SVOPL: variants seen among roughly 807,000 people sequenced by gnomAD.
SVOPL encodes the protein putative transporter SVOPL.
In SVOPL, 60 loss-of-function variants were observed where a neutral mutation model predicts 61.0. The ratio of observed to expected loss-of-function variants is 0.98; its 90% confidence interval spans 0.80 to 1.22. The LOEUF (loss-of-function observed/expected upper bound fraction) is 1.22, where lower values mean the gene tolerates loss of function less well. SVOPL is among the 50% of genes most tolerant of loss of function. The pLI, the probability that SVOPL is intolerant of heterozygous loss-of-function variation, is 0.00. For missense variants in SVOPL, 662 were observed against 643.9 expected (o/e 1.03, Z -0.30); for synonymous variants, 279 against 250.0 (o/e 1.12, Z -1.09).
intron 13 of SVOPL, among the ~76,000 whole-genome samples, chr7:138,621,689 C>T (rs1348091541): frequency 6.6e-6 from 1 of 152,192 alleles, no homozygotes; most frequent in African/African-American, 2.4e-5. Flanking sequence ...TCCCAAAGTG[C>T]TGGGATTAGA....
At chr7:138,595,111 CAG>C (rs1272606882) in intron 15 of SVOPL, among the ~76,000 whole-genome samples, 2 of 152,096 alleles carry the variant, frequency 1.3e-5, no homozygotes, top group African/African-American at 2.4e-5. Context: ...CTTGTCGAAT[CAG>C]AGTTTCTTAG....
In SVOPL at chr7:138,672,248, T is replaced by C. The variant is rs1227202678; in HGVS notation, c.175-131A>G. On this transcript the variant is annotated intron_variant, in intron 3 of 15. Transcript: ENST00000674285. ...CCCCATTCAGGGAGGATCTATTGTA[T>C]ACCCACACTGCACTGCTAGTTGGAT... The C allele has an allele frequency of 8.1e-6, 6 of 745,032 alleles. No homozygotes were observed. In the African/African-American group the frequency reaches 8.7e-5, roughly 11 times the overall value. 46.2% of individuals were successfully genotyped at this position (745,032 alleles called of 1,614,324 possible).
At chr7:138,674,520 G>A (rs1449485317) in intron 3 of SVOPL, among the ~76,000 whole-genome samples, 1 of 151,832 alleles carries the variant, frequency 6.6e-6, no homozygotes, top group Non-Finnish European at 1.5e-5. Flanking sequence ...GCCTGGCAGA[G>A]AGCCCTTCCT....
intron 6 of SVOPL, among the ~76,000 whole-genome samples, chr7:138,657,868 T>C (rs915431157): frequency 5.9e-5 from 9 of 152,170 alleles, no homozygotes; most frequent in Non-Finnish European, 1.2e-4. Flanking sequence ...AGGGGTCCTG[T>C]GAATTCAAGG....
intron 9 of SVOPL, among the ~76,000 whole-genome samples, chr7:138,642,831 CAA>C (rs749603417): frequency 1.9e-4 from 5 of 26,920 alleles, no homozygotes; most frequent in African/African-American, 2.2e-4. Flanking sequence ...CTCCTACCTC[CAA>C]AAAAAAAAAA....
intron 14 of SVOPL, among the ~76,000 whole-genome samples, chr7:138,605,886 T>A (rs569567088): frequency 1.1e-4 from 17 of 152,330 alleles, no homozygotes; most frequent in African/African-American, 3.9e-4. Context: ...CTTCGGGTGT[T>A]TTCCAATCAA....
At chr7:138,652,637 T>C (rs1801497825) in intron 7 of SVOPL, among the ~76,000 whole-genome samples, 1 of 151,978 alleles carries the variant, frequency 6.6e-6, no homozygotes, top group African/African-American at 2.4e-5. Context: ...TCTTTTGAGA[T>C]GGCATTCCAT....
At chr7:138,692,055 T>C (rs944666970) in intron 1 of SVOPL, among the ~76,000 whole-genome samples, 1 of 151,694 alleles carries the variant, frequency 6.6e-6, no homozygotes, top group Admixed American at 6.6e-5. Flanking sequence ...TAACCTCAAG[T>C]GAATCAGCAC....
At chr7:138,614,298 G>A (rs1005160675) in intron 14 of SVOPL, among the ~76,000 whole-genome samples, 8 of 152,056 alleles carry the variant, frequency 5.3e-5, no homozygotes, top group African/African-American at 1.9e-4. Flanking sequence ...AGCCTGAAAG[G>A]CTGAATGATT....
intron 14 of SVOPL, among the ~76,000 whole-genome samples, chr7:138,603,310 T>C (rs913195366): frequency 3.3e-5 from 5 of 152,218 alleles, no homozygotes; most frequent in African/African-American, 1.2e-4. Flanking sequence ...AAGAAACCTA[T>C]GGTAAATTCC....
intron 1 of SVOPL, among the ~76,000 whole-genome samples, chr7:138,685,506 A>C (rs1802787764): frequency 6.6e-6 from 1 of 152,216 alleles, no homozygotes; most frequent in Non-Finnish European, 1.5e-5. Context: ...AATGAGTCCT[A>C]AAGATCTTCC....
At chr7:138,675,680 T>C (rs1470065055) in intron 3 of SVOPL, among the ~76,000 whole-genome samples, 2 of 152,092 alleles carry the variant, frequency 1.3e-5, no homozygotes, top group Non-Finnish European at 2.9e-5. Context: ...TTATACTTTT[T>C]AGCTGTTTGG....
intron 14 of SVOPL, chr7:138,597,099 C>T: frequency 1.8e-5 from 22 of 1,255,504 alleles, no homozygotes; most frequent in Non-Finnish European, 2.3e-5. Context: ...CATCTGTACA[C>T]ATGCTTTGGC....
intron 1 of SVOPL, among the ~76,000 whole-genome samples, chr7:138,682,594 A>G (rs951696825): frequency 6.6e-6 from 1 of 152,218 alleles, no homozygotes; most frequent in African/African-American, 2.4e-5. Flanking sequence ...ATAGACTAAA[A>G]TAAAAGAGAC....
chr7:138,621,814 G>GTATCTATCTATCTATCTATGTATCTATC (rs372400348), intron 13 of SVOPL, among the ~76,000 whole-genome samples: 1 of 43,152 alleles, frequency 2.3e-5, no homozygotes, highest in African/African-American at 8.0e-5. Context: ...ATCTATCTAT[G>GTATCTATCTATCTATCTATGTATCTATC]TATCTATGTA....
intron 9 of SVOPL, among the ~76,000 whole-genome samples, chr7:138,644,512 A>G (rs1221708605): frequency 6.6e-6 from 1 of 152,216 alleles, no homozygotes; most frequent in Non-Finnish European, 1.5e-5. Context: ...CATTTTATTG[A>G]TAAGAAAAAC....
At chr7:138,680,840 A>G (rs1802686090) in intron 1 of SVOPL, among the ~76,000 whole-genome samples, 2 of 152,070 alleles carry the variant, frequency 1.3e-5, no homozygotes, top group African/African-American at 2.4e-5. Context: ...CGGCCTCCCA[A>G]AGTACTGGGA....
chr7:138,626,546 C>T (rs1799901390), intron 12 of SVOPL, among the ~76,000 whole-genome samples: 1 of 152,134 alleles, frequency 6.6e-6, no homozygotes, highest in Admixed American at 6.5e-5. Context: ...ACATCCACAA[C>T]CACACTCAGC....
chr7:138,662,961 T>A (rs1802063445), intron 5 of SVOPL, 113 bp downstream of exon 5: 4 of 1,536,200 alleles, frequency 2.6e-6, no homozygotes, highest in Non-Finnish European at 3.5e-6. Context: ...TGTCTGCATT[T>A]TCTATCTTGG....
Sources: allele counts gnomAD v4.1 joint callset (sites outside exome capture counted in the v4.1 genomes callset), GRCh38; gene constraint gnomAD v4.1.1; transcripts MANE v1.5; gene names NCBI Gene and HGNC (gene_info 2026-07-23, HGNC 2026-07-21).